The following DIDO1 variants were observed in gnomAD, a reference collection of about 807,000 sequenced individuals.
DIDO1 encodes death inducer-obliterator 1.
In DIDO1, 16 loss-of-function variants were observed where a neutral mutation model predicts 99.4. The observed-to-expected ratio is 0.16, with a 90% CI of 0.11 to 0.24. The LOEUF is 0.24. Among genes scored for constraint, DIDO1 ranks in the 10% least tolerant of loss-of-function variants. The pLI is 1.00. For synonymous variants in DIDO1, 1,366 were observed against 1,239.1 expected, an observed-to-expected ratio of 1.10 and a Z score of -2.15; for missense variants, 2,996 against 3,014.0, an observed-to-expected ratio of 0.99 and a Z score of 0.14.
rs374299637 is a variant in DIDO1, at chr20:62,894,395, C to G, written c.2572+18G>C. 614 of 1,609,778 alleles carry G rather than the reference C, an allele frequency of 3.8e-4. No homozygotes were observed. The highest frequency in any genetic ancestry group is 4.8e-4 in the Non-Finnish European group (570 of 1,179,654). On this transcript the variant is annotated intron_variant, in intron 11 of 15. Coordinates refer to ENST00000395343, the MANE Select transcript of DIDO1 (RefSeq NM_001193369.2). The surrounding 1 kb of genome is among the most constrained non-coding windows in gnomAD (Gnocchi z 4.4). ...TTTAGTCTCAGCTCCAAGGCTCCAT[C>G]CCCTGCACTGTGCTCACCTGTGCAA...
intron 15 of DIDO1, 73 bp from the exon 16 acceptor site, chr20:62,882,487 A>G: frequency 7.1e-7 from 1 of 1,412,254 alleles, no homozygotes; most frequent in Non-Finnish European, 9.6e-7. Context: ...GAATTTCATT[A>G]AGGGCTTTCA....
chr20:62,896,185 C>G lies in DIDO1; in HGVS notation c.2214+48G>C, dbSNP rs761009416. 2 of 1,563,574 alleles carry G rather than the reference C, an allele frequency of 1.3e-6. No individual in the cohort carries two copies. Among genetic ancestry groups the G allele is most frequent in the Non-Finnish European group, 1.7e-6 (2 of 1,151,606 alleles). ...AATATTGGTTGATCCCTTTAGCACC[C>G]AGCGAACAGAACAGGAATACTCCAA... On this transcript the variant is annotated intron_variant, in intron 8 of 15. Coordinates refer to ENST00000395343, the MANE Select transcript of DIDO1 (RefSeq NM_001193369.2). The surrounding 1 kb of genome is among the most constrained non-coding windows in gnomAD (Gnocchi z 4.4).
rs913608575 is a variant in DIDO1, at chr20:62,909,582, G to A, written c.1161+117C>T. ...CAGGTGGAGTGAGGCAGGAACCCGG[G>A]AGAGGCACCGCCCCACATGGGTGCA... On this transcript the variant is annotated intron_variant, in intron 4 of 15. Coordinates refer to ENST00000395343, the MANE Select transcript of DIDO1 (RefSeq NM_001193369.2). 1.0e-5 allele frequency: 13 copies of A among 1,263,368 alleles called. No individual in the cohort carries two copies. The African/African-American group carries it at 1.8e-4, about 17-fold the overall frequency. The allele number at this position is 1,263,368 out of a possible 1,614,324, so 78.3% of individuals were successfully genotyped here.
intron 6 of DIDO1, among the ~76,000 whole-genome samples, chr20:62,900,481 T>C (rs2064644524): frequency 6.6e-6 from 1 of 152,148 alleles, no homozygotes; most frequent in South Asian, 2.1e-4. Flanking sequence ...AGGCCCCCAC[T>C]GGAGGATGGT....
chr20:62,905,733 C>G, intron 6 of DIDO1, 154 bp downstream of exon 6: 1 of 1,606,928 alleles, frequency 6.2e-7, no homozygotes, highest in Non-Finnish European at 8.5e-7. Flanking sequence ...AGGAGGCATC[C>G]TGGACATGGG....
chr20:62,880,227 G>T lies in DIDO1; in HGVS notation c.5729C>A (p.Ser1910Tyr). Residue 1910 changes from serine to tyrosine, a missense_variant, in exon 16 of 16, where the codon TCT becomes TAT. By Grantham distance (144) the Ser-to-Tyr change is moderately radical. Coordinates refer to ENST00000395343, the MANE Select transcript of DIDO1 (RefSeq NM_001193369.2). The stretch of plus-strand genomic sequence containing the variant: ...TGGTCCTCTCTGACCTCCAAACTGA[G>T]AGGGAGGGGGGCCGCCTCGGGGGCC... ...LKGPRGGPPPSQFGGQRGPPP... is the reference protein window; with the variant it reads ...LKGPRGGPPPYQFGGQRGPPP... The T allele has an allele frequency of 6.2e-7, 1 of 1,612,492 alleles. No homozygotes were observed.
chr20:62,879,963 A>G lies in DIDO1; in HGVS notation c.5993T>C (p.Phe1998Ser), dbSNP rs758397315. ...QFGGLRGSAP[F>S]SEKNEQTPSR... The stretch of plus-strand genomic sequence containing the variant: ...AGGGGTCTGCTCATTTTTTTCAGAA[A>G]AGGGTGCGGACCCCCGTAGTCCACC... Residue 1998 changes from phenylalanine to serine, a missense_variant, in exon 16 of 16, where the codon TTT becomes TCT. Transcript: ENST00000395343. This position sits in a 1 kb window ranked among gnomAD's most constrained non-coding sequence, Gnocchi z 6.3. 6.2e-6 allele frequency: 10 copies of G among 1,603,866 alleles called. No individual in the cohort carries two copies. The Admixed American group carries it at 7.0e-5, about 11-fold the overall frequency.
chr20:62,888,486 G>A, intron 15 of DIDO1: 9 of 985,518 alleles, frequency 9.1e-6, no homozygotes, highest in Non-Finnish European at 1.1e-5. Flanking sequence ...AGCACTTCTG[G>A]GGGCGTGACT....
chr20:62,889,987 C>T (rs921221678), intron 15 of DIDO1: 2 of 985,374 alleles, frequency 2.0e-6, no homozygotes, highest in Non-Finnish European at 2.4e-6. Context: ...AGAAGTCCCG[C>T]CCAAGATGTG....
Position 62,892,971 on chromosome 20 carries a change from C to CA in DIDO1, c.3102-10dup. ...AACGTGATTCTGAAGTGCTGTAAAA[C>CA]AAAACCATAAAAAAAAAGTCAATGT... On this transcript the variant is annotated splice_polypyrimidine_tract_variant and intron_variant, in intron 12 of 15. Coordinates refer to ENST00000395343, the MANE Select transcript of DIDO1 (RefSeq NM_001193369.2). The CA allele has an allele frequency of 3.8e-6, 6 of 1,590,614 alleles. No homozygotes were observed. The highest frequency in any genetic ancestry group is 5.1e-6 in the Non-Finnish European group (6 of 1,167,338).
intron 6 of DIDO1, among the ~76,000 whole-genome samples, chr20:62,904,807 A>AAAAAAAAAAAAAG (rs1568859998): frequency 7.1e-6 from 1 of 141,706 alleles, no homozygotes; most frequent in South Asian, 2.3e-4. Context: ...AAAAAAAAAA[A>AAAAAAAAAAAAAG]GTGTCTTTTT....
chr20:62,907,474 A>C, intron 4 of DIDO1, 115 bp from the exon 5 acceptor site: 1 of 953,558 alleles, frequency 1.0e-6, no homozygotes, highest in South Asian at 1.6e-5. Flanking sequence ...AAAATGAGAT[A>C]CTAACAGTAC....
At chr20:62,893,594 C>T (rs1345447708) in intron 12 of DIDO1, 72 bp downstream of exon 12, 7 of 1,462,444 alleles carry the variant, frequency 4.8e-6, no homozygotes, top group East Asian at 2.3e-5. Flanking sequence ...ACTATTTAAT[C>T]ACCAGTTATC....
chr20:62,887,808 G>C, intron 15 of DIDO1: 1 of 985,514 alleles, frequency 1.0e-6, no homozygotes, highest in Non-Finnish European at 1.2e-6. Context: ...TGTTGGTAAA[G>C]CTGGAACTGA....
At chr20:62,900,352 G>T (rs1247833020) in intron 6 of DIDO1, among the ~76,000 whole-genome samples, 3 of 152,262 alleles carry the variant, frequency 2.0e-5, no homozygotes, top group African/African-American at 4.8e-5. Flanking sequence ...ACAGGGATCA[G>T]CAGCACACTC....
rs1445257271 is a variant in DIDO1 at position 62,881,007 on chromosome 20, C to T, written c.4949G>A (p.Ser1650Asn). The change falls in exon 16 of 16, where the codon AGC becomes AAC. Residue 1650 changes from serine to asparagine, a missense_variant. Ser to Asn is a conservative substitution (Grantham distance 46). Around this residue, in one of 5 missense-constraint regions of DIDO1, gnomAD observed 1,562 missense variants for 1,412.6 expected, o/e 1.11. Coordinates refer to ENST00000395343, the MANE Select transcript of DIDO1 (RefSeq NM_001193369.2). This position sits in a 1 kb window ranked among gnomAD's most constrained non-coding sequence, Gnocchi z 8.3. ...EGTRPATVGD[S>N]SARPARRVLL... ...CACCCTCCGGGCAGGCCTGGCCGAG[C>T]TGTCTCCAACCGTGGCGGGGCGGGT... 5 of 1,605,650 alleles carry T rather than the reference C, an allele frequency of 3.1e-6. No individual in the cohort carries two copies. Among genetic ancestry groups the T allele is most frequent in the Non-Finnish European group, 4.2e-6 (5 of 1,178,618 alleles).
intron 15 of DIDO1, chr20:62,889,280 G>C: frequency 1.0e-6 from 1 of 985,574 alleles, no homozygotes; most frequent in African/African-American, 1.7e-5. Context: ...TGGAGGCGCC[G>C]CTCCTCTGGT....
At chr20:62,895,326 G>A (rs2064494663) in intron 8 of DIDO1, among the ~76,000 whole-genome samples, 161 bp from the exon 9 acceptor site, 2 of 152,356 alleles carry the variant, frequency 1.3e-5, no homozygotes, top group East Asian at 1.9e-4. Flanking sequence ...CCTGCAGGGT[G>A]TGACCTAACT....
rs2064161953 is a variant in DIDO1 at position 62,879,630 on chromosome 20, G to A, written c.6326C>T (p.Ala2109Val). 2.5e-6 allele frequency: 4 copies of A among 1,605,768 alleles called. No individual in the cohort carries two copies. The South Asian group carries it at 3.3e-5, about 13-fold the overall frequency. The change falls in exon 16 of 16, where the codon GCG becomes GTG. Residue 2109 changes from alanine (A) to valine (V), a missense_variant. By Grantham distance (64) the Ala-to-Val change is moderately conservative. This residue lies in a region of DIDO1 where 1,562 missense variants were observed against 1,412.6 expected (regional missense o/e 1.11). Transcript: ENST00000395343. The surrounding 1 kb of genome is among the most constrained non-coding windows in gnomAD (Gnocchi z 6.3). ...PLEEPDAQGRASEDRRRERER... is the reference protein window; with the variant it reads ...PLEEPDAQGRVSEDRRRERER... ...GCGCTCTCTCCTCCTGTCCTCGGAC[G>A]CCCGGCCCTGGGCGTCGGGCTCCTC...
Sources: gnomAD v4.1 joint callset for allele counts (sites outside exome capture counted in the v4.1 genomes callset) on GRCh38, gnomAD v4.1.1 for gene constraint, gnomAD v4.1.1 regional missense constraint, Gnocchi (gnomAD v3.1) non-coding constraint, MANE v1.5 for transcripts, NCBI Gene and HGNC (gene_info 2026-07-23, HGNC 2026-07-21) for gene names.